The following ZDHHC15 variants were observed in gnomAD, a reference collection of about 807,000 sequenced individuals.
ZDHHC15 encodes the protein palmitoyltransferase ZDHHC15.
In ZDHHC15, 19 loss-of-function variants were observed where a neutral mutation model predicts 31.7. The ratio of observed to expected loss-of-function variants is 0.60; its 90% CI spans 0.42 to 0.88. The LOEUF (loss-of-function observed/expected upper bound fraction) is 0.88, where lower values mean the gene tolerates loss of function less well. ZDHHC15 is among the 40% of genes least tolerant of loss of function. The probability of loss-of-function intolerance (pLI) is 0.00; values close to 1 mark genes in which losing one functional copy is unlikely to be tolerated. For missense variants in ZDHHC15, 209 were observed against 251.2 expected, an observed-to-expected ratio of 0.83 and a Z score of 1.14; for synonymous variants, 103 against 90.0, an observed-to-expected ratio of 1.14 and a Z score of -0.82.
At chrX:75,405,834 A>G (rs913118142) in intron 10 of ZDHHC15, among the ~76,000 whole-genome samples, 11 of 112,203 alleles carry the variant, frequency 9.8e-5, no homozygotes, top group African/African-American at 3.6e-4. Flanking sequence ...ACATTTATGG[A>G]ACATTTCACA....
In ZDHHC15 at chrX:75,464,202, G is replaced by A. The variant is rs754237255; in HGVS notation, c.259-13280C>T. On this transcript the variant is annotated intron_variant, in intron 3 of 11. Coordinates refer to ENST00000373367, the MANE Select transcript of ZDHHC15 (RefSeq NM_144969.3). ...TCACAAGGAGAAAACACCAAACACC[G>A]CATATTCTCACTCATAGGTGGGAAT... Among the ~76,000 whole-genome samples the A allele has an allele frequency of 3.2e-4, 35 of 110,869 alleles. No homozygotes were observed. The South Asian group carries it at 0.011, about 35-fold the overall frequency.
chrX:75,390,859 CCAAA>C (rs1455064055), intron 10 of ZDHHC15, among the ~76,000 whole-genome samples: 1 of 111,545 alleles, frequency 9.0e-6, no homozygotes, highest in Admixed American at 9.5e-5. Flanking sequence ...GATGCCTTCA[CCAAA>C]CAAAGTAAAT....
intron 10 of ZDHHC15, among the ~76,000 whole-genome samples, chrX:75,392,778 CA>C (rs755677130): frequency 6.3e-5 from 7 of 111,707 alleles, no homozygotes; most frequent in East Asian, 2.8e-4. Context: ...TAGGCATAAA[CA>C]TTTTTTTTAA....
chrX:75,448,645 C>T (rs1309394304), intron 4 of ZDHHC15, among the ~76,000 whole-genome samples: 4 of 111,181 alleles, frequency 3.6e-5, no homozygotes, highest in Non-Finnish European at 5.7e-5. Flanking sequence ...GGGGTTAGTG[C>T]GTTTTCAGTT....
Position 75,421,444 on chromosome X carries a change from T to TATATA in ZDHHC15, c.863+415_863+419dup, listed in dbSNP as rs1297625975. On this transcript the variant is annotated intron_variant, in intron 9 of 11. Transcript: ENST00000373367. ...TATAATATATATATAATATATATTA[T>TATATA]ATATATATATTCCCATATTGTTGGC... Among the ~76,000 whole-genome samples the TATATA allele has an allele frequency of 1.3e-4, 9 of 68,602 alleles. 1 individual carries two copies. The Admixed American group carries it at 1.7e-3, about 13-fold the overall frequency. 59.6% of individuals were successfully genotyped at this position (68,602 alleles called of 115,157 possible). A position where few individuals can be genotyped will look rare whatever the true frequency, so the allele number is the denominator to read the frequency against.
chrX:75,390,725 C>T (rs2083234153), intron 10 of ZDHHC15, among the ~76,000 whole-genome samples: 1 of 111,328 alleles, frequency 9.0e-6, no homozygotes, highest in African/African-American at 3.3e-5. Flanking sequence ...TGTGAATATT[C>T]GGAAAGCCTT....
intron 3 of ZDHHC15, among the ~76,000 whole-genome samples, chrX:75,462,055 C>A (rs1481176675): frequency 9.0e-6 from 1 of 111,585 alleles, no homozygotes; most frequent in Non-Finnish European, 1.9e-5. Flanking sequence ...CAAAGACACA[C>A]ATAGGCTCAA....
intron 1 of ZDHHC15, among the ~76,000 whole-genome samples, chrX:75,508,500 G>A (rs1395835814): frequency 9.2e-6 from 1 of 108,819 alleles, no homozygotes; most frequent in Non-Finnish European, 1.9e-5. Context: ...TGGCTGCATA[G>A]TATTCCATGG....
intron 10 of ZDHHC15, among the ~76,000 whole-genome samples, chrX:75,398,247 G>A (rs752843453): frequency 2.5e-4 from 28 of 112,453 alleles, no homozygotes; most frequent in African/African-American, 6.4e-4. Context: ...TGCCTTAGCC[G>A]TTCCAGCCTT....
rs772859297 is a variant in ZDHHC15, at chrX:75,509,406, A to G, written c.137-3559T>C. On this transcript the variant is annotated intron_variant, in intron 1 of 11. Coordinates refer to ENST00000373367, the MANE Select transcript of ZDHHC15 (RefSeq NM_144969.3). The stretch of plus-strand genomic sequence containing the variant: ...ATGCTTCCAGAACATCTGAATCCAG[A>G]TGACACATTTCAAGTGTTTAATAGC... Among the ~76,000 whole-genome samples the G allele has an allele frequency of 1.3e-4, 15 of 112,215 alleles. No individual in the cohort carries two copies. The South Asian group carries it at 5.6e-3, about 42-fold the overall frequency.
chrX:75,439,494 G>A (rs1426058183), intron 4 of ZDHHC15, among the ~76,000 whole-genome samples: 1 of 111,583 alleles, frequency 9.0e-6, no homozygotes, highest in Non-Finnish European at 1.9e-5. Flanking sequence ...TTGTCTAAGT[G>A]TGTTTCATTT....
At chrX:75,492,970 T>A (rs997124787) in intron 2 of ZDHHC15, among the ~76,000 whole-genome samples, 5 of 111,706 alleles carry the variant, frequency 4.5e-5, no homozygotes, top group African/African-American at 1.6e-4. Flanking sequence ...AAAAAAATCC[T>A]TCAAAAAATC....
intron 7 of ZDHHC15, among the ~76,000 whole-genome samples, chrX:75,428,537 G>A (rs989780732): frequency 7.2e-5 from 8 of 110,802 alleles, no homozygotes; most frequent in African/African-American, 2.6e-4. Context: ...TCTCCTAATT[G>A]CTAACCCAGT....
chrX:75,391,892 C>T (rs1201610080), intron 10 of ZDHHC15, among the ~76,000 whole-genome samples: 1 of 111,678 alleles, frequency 9.0e-6, no homozygotes, highest in Admixed American at 9.5e-5. Flanking sequence ...TCAAAAATAA[C>T]TATAACAACT....
rs766138218 is a variant in ZDHHC15, at chrX:75,474,444, TATATAC to T, written c.258+4441_258+4446del. On this transcript the variant is annotated intron_variant, in intron 3 of 11. Transcript: ENST00000373367. ...TAATAAACTCCCCTTTATATATATA[TATATAC>T]ACACACACACACACACACACACATA... is the stretch of plus-strand genomic sequence containing the variant. 3.2e-3 allele frequency among the ~76,000 whole-genome samples: 136 copies of T among 42,644 alleles called. 1 individual carries two copies. The East Asian group carries it at 0.28, about 86-fold the overall frequency. 37.0% of individuals were successfully genotyped at this position (42,644 alleles called of 115,157 possible).
At chrX:75,422,400 T>G (rs2083656604) in intron 8 of ZDHHC15, among the ~76,000 whole-genome samples, 1 of 111,767 alleles carries the variant, frequency 8.9e-6, no homozygotes, top group Non-Finnish European at 1.9e-5. Context: ...AAGAAAGTAA[T>G]GACACATAAA....
chrX:75,500,882 C>T (rs2085077746), intron 2 of ZDHHC15, among the ~76,000 whole-genome samples: 1 of 110,151 alleles, frequency 9.1e-6, no homozygotes, highest in African/African-American at 3.3e-5. Context: ...AGTGCCCTCT[C>T]ACCTTCCTGA....
At chrX:75,393,266 G>C (rs1380978049) in intron 10 of ZDHHC15, among the ~76,000 whole-genome samples, 4 of 111,106 alleles carry the variant, frequency 3.6e-5, no homozygotes, top group Non-Finnish European at 5.7e-5. Flanking sequence ...TGGAATCCTT[G>C]TTGTGTCTCC....
At chrX:75,469,223 C>T (rs769279694) in intron 3 of ZDHHC15, among the ~76,000 whole-genome samples, 1 of 111,529 alleles carries the variant, frequency 9.0e-6, no homozygotes, top group East Asian at 2.8e-4. Context: ...AGCATTTGGT[C>T]CTTTTTAAAA....
Sources: gnomAD v4.1 joint callset for allele counts (sites outside exome capture counted in the v4.1 genomes callset) on GRCh38, gnomAD v4.1.1 for gene constraint, MANE v1.5 for transcripts, NCBI Gene and HGNC (gene_info 2026-07-23, HGNC 2026-07-21) for gene names.